Variants in LARP4B observed in about 807,000 individuals in gnomAD.
LARP4B encodes la-related protein 4B.
Under a neutral mutation model 89.8 loss-of-function variants are expected in LARP4B, and 12 were observed. The ratio of observed to expected loss-of-function variants is 0.13; its 90% CI spans 0.09 to 0.22. The LOEUF (loss-of-function observed/expected upper bound fraction) is 0.22, where lower values mean the gene tolerates loss of function less well. LARP4B is among the 10% of genes least tolerant of loss of function. LARP4B has a pLI of 1.00. For synonymous variants in LARP4B, 367 were observed against 363.3 expected (o/e 1.01, Z -0.12); for missense variants, 757 against 947.7 (o/e 0.80, Z 2.64).
chr10:890,838 G>C (rs1835997161), intron 1 of LARP4B, among the ~76,000 whole-genome samples: 1 of 152,102 alleles, frequency 6.6e-6, no homozygotes, highest in Non-Finnish European at 1.5e-5. Context: ...TTCTACGAGA[G>C]AACAGATGGA....
the LARP4B span, among the ~76,000 whole-genome samples, chr10:958,713 G>C: frequency 0.01 from 1,556 of 152,296 alleles, 28 homozygotes; most frequent in African/African-American, 0.035. Flanking sequence ...CGCTTTCTCT[G>C]CTGACCTCAT....
the LARP4B span, among the ~76,000 whole-genome samples, chr10:957,166 T>G: frequency 6.6e-6 from 1 of 152,188 alleles, no homozygotes; most frequent in African/African-American, 2.4e-5. Context: ...TTTTTTACTT[T>G]TATTTTTATT....
At chr10:823,891 C>T (rs971516658) in intron 13 of LARP4B, among the ~76,000 whole-genome samples, 1 of 152,160 alleles carries the variant, frequency 6.6e-6, no homozygotes, top group Non-Finnish European at 1.5e-5. Flanking sequence ...AGGCCAGTGC[C>T]AGCTCTCCCA....
At chr10:846,949 A>G (rs1833807385) in intron 5 of LARP4B, among the ~76,000 whole-genome samples, 1 of 152,236 alleles carries the variant, frequency 6.6e-6, no homozygotes, top group Non-Finnish European at 1.5e-5. Context: ...AGAATCATCC[A>G]CTATAACATG....
At chr10:855,763 A>C (rs1201834639) in intron 5 of LARP4B, among the ~76,000 whole-genome samples, 1 of 152,350 alleles carries the variant, frequency 6.6e-6, no homozygotes, top group East Asian at 1.9e-4. Context: ...GGTTGCCACA[A>C]AACTTCAATT....
intron 15 of LARP4B, among the ~76,000 whole-genome samples, chr10:816,749 A>C (rs1832082648): frequency 6.6e-6 from 1 of 152,244 alleles, no homozygotes; most frequent in African/African-American, 2.4e-5. Context: ...CTCAATCTCC[A>C]AACAGGAGCA....
intron 3 of LARP4B, among the ~76,000 whole-genome samples, chr10:877,658 T>A (rs894703934): frequency 1.3e-5 from 2 of 152,074 alleles, no homozygotes; most frequent in African/African-American, 4.8e-5. Context: ...GTAAGACAGG[T>A]GTAGGGCTAA....
At chr10:880,156 G>T (rs1185254623) in intron 3 of LARP4B, among the ~76,000 whole-genome samples, 1 of 152,166 alleles carries the variant, frequency 6.6e-6, no homozygotes, top group East Asian at 1.9e-4. Flanking sequence ...ACCAAGAGCA[G>T]CCACGTGTCA....
chr10:986,553 C>T, the LARP4B span: 1 of 152,234 alleles, frequency 6.6e-6, no homozygotes, highest in Non-Finnish European at 1.5e-5. Context: ...CTCATCAACA[C>T]GCACATGGTG....
intron 1 of LARP4B, among the ~76,000 whole-genome samples, chr10:927,287 G>T (rs1198533579): frequency 1.3e-5 from 2 of 152,106 alleles, no homozygotes; most frequent in Non-Finnish European, 2.9e-5. Context: ...TGGGGTGGCG[G>T]GGGGGCAGTG....
At chr10:941,135 C>CA in the LARP4B span, among the ~76,000 whole-genome samples, 1 of 152,176 alleles carries the variant, frequency 6.6e-6, no homozygotes, top group Non-Finnish European at 1.5e-5. Context: ...GGAGGACGGA[C>CA]ATTTGCCAGT....
At chr10:921,586 C>A (rs1025369037) in intron 1 of LARP4B, among the ~76,000 whole-genome samples, 1 of 152,182 alleles carries the variant, frequency 6.6e-6, no homozygotes, top group African/African-American at 2.4e-5. Context: ...TGCCAAGAAT[C>A]TGTGTGGCCT....
intron 5 of LARP4B, among the ~76,000 whole-genome samples, chr10:851,060 G>A (rs1214637081): frequency 6.6e-6 from 1 of 150,900 alleles, no homozygotes; most frequent in Non-Finnish European, 1.5e-5. Flanking sequence ...TTAGGACACA[G>A]AAGAAAGGGT....
At chr10:826,715 G>T (rs1259459516) in intron 11 of LARP4B, among the ~76,000 whole-genome samples, 2 of 152,124 alleles carry the variant, frequency 1.3e-5, no homozygotes, top group Non-Finnish European at 2.9e-5. Flanking sequence ...CTGACACAGG[G>T]CACTTAGTTC....
the LARP4B span, among the ~76,000 whole-genome samples, chr10:982,023 T>C: frequency 6.6e-6 from 1 of 152,144 alleles, no homozygotes; most frequent in Non-Finnish European, 1.5e-5. Flanking sequence ...TTAGCATATA[T>C]GTGCTAATCA....
rs767655431 is a variant in LARP4B, at chr10:851,591, T to C, written c.431-6536A>G. Reference sequence around the variant, plus strand: ...AATAACAGAGATGAGTGATGTAACATGACTACAGATTTCACAGGTGATAAC... The same window carrying C: ...AATAACAGAGATGAGTGATGTAACACGACTACAGATTTCACAGGTGATAAC... On this transcript the variant is annotated intron_variant, in intron 5 of 17. Coordinates refer to ENST00000316157, the MANE Select transcript of LARP4B (RefSeq NM_015155.3). Among the ~76,000 whole-genome samples, 11 of 152,158 alleles carry C rather than the reference T, an allele frequency of 7.2e-5. No individual in the cohort carries two copies. In the East Asian group the frequency reaches 1.9e-3, roughly 27 times the overall value.
At chr10:851,886 T>C (rs1192256679) in intron 5 of LARP4B, among the ~76,000 whole-genome samples, 2 of 151,942 alleles carry the variant, frequency 1.3e-5, no homozygotes, top group East Asian at 3.9e-4. Flanking sequence ...GGTAACATGG[T>C]GAAACTCCAT....
the LARP4B span, chr10:972,729 ATTGAC>A: frequency 1.2e-4 from 57 of 457,090 alleles, no homozygotes; most frequent in South Asian, 8.4e-4. Context: ...GAGATCTGAT[ATTGAC>A]AAGTAAATGA....
At chr10:835,219 T>C (rs1833140198) in intron 8 of LARP4B, among the ~76,000 whole-genome samples, 1 of 152,198 alleles carries the variant, frequency 6.6e-6, no homozygotes. Flanking sequence ...ACCATACTTC[T>C]ATGAGAGTAA....
Sources: allele counts gnomAD v4.1 joint callset (sites outside exome capture counted in the v4.1 genomes callset), GRCh38; gene constraint gnomAD v4.1.1; transcripts MANE v1.5; gene names NCBI Gene and HGNC (gene_info 2026-07-23, HGNC 2026-07-21).